GPR158: variants seen among roughly 807,000 people sequenced by gnomAD.
The protein encoded by GPR158 is metabotropic glycine receptor.
A neutral mutation model predicts 78.2 loss-of-function variants in GPR158; 30 were observed. The observed-to-expected ratio is 0.38, with a 90% CI of 0.29 to 0.52. The LOEUF (loss-of-function observed/expected upper bound fraction) is 0.52. Ranked by LOEUF, GPR158 falls within the 20% of genes least tolerant of loss-of-function variation. The probability of loss-of-function intolerance (pLI) is 0.83; values close to 1 mark genes in which losing one functional copy is unlikely to be tolerated. For missense variants in GPR158, 1,463 were observed against 1,523.5 expected, an observed-to-expected ratio of 0.96 and a Z score of 0.66; for synonymous variants, 581 against 591.1, an observed-to-expected ratio of 0.98 and a Z score of 0.25.
intron 5 of GPR158, among the ~76,000 whole-genome samples, chr10:25,469,471 T>C (rs922191534): frequency 1.3e-5 from 2 of 152,100 alleles, no homozygotes; most frequent in Non-Finnish European, 2.9e-5. Flanking sequence ...CTTTCTCTCA[T>C]ATTAGAAAAC....
intron 4 of GPR158, among the ~76,000 whole-genome samples, chr10:25,435,271 T>A (rs2130581800): frequency 6.6e-6 from 1 of 152,208 alleles, no homozygotes; most frequent in Non-Finnish European, 1.5e-5. Flanking sequence ...ATATAAATAA[T>A]GCTAAGTGAC....
At chr10:25,258,036 G>A (rs1853914738) in intron 2 of GPR158, among the ~76,000 whole-genome samples, 1 of 152,150 alleles carries the variant, frequency 6.6e-6, no homozygotes. Flanking sequence ...GCTATACACT[G>A]AAGAAATAAA....
At chr10:25,577,250 T>C (rs978757639) in intron 7 of GPR158, among the ~76,000 whole-genome samples, 4 of 152,292 alleles carry the variant, frequency 2.6e-5, no homozygotes, top group Non-Finnish European at 5.9e-5. Flanking sequence ...TAAATCCACA[T>C]ATCTTCAGTC....
intron 5 of GPR158, among the ~76,000 whole-genome samples, chr10:25,489,545 C>T (rs1564469624): frequency 6.6e-6 from 1 of 152,122 alleles, no homozygotes; most frequent in African/African-American, 2.4e-5. Flanking sequence ...ACAAAGGTTT[C>T]ACACTAGAAT....
intron 1 of GPR158, among the ~76,000 whole-genome samples, chr10:25,185,218 G>T (rs1564385196): frequency 6.6e-6 from 1 of 152,108 alleles, no homozygotes; most frequent in East Asian, 1.9e-4. Flanking sequence ...GGTTCTGTAT[G>T]TATGTGTACA....
intron 5 of GPR158, among the ~76,000 whole-genome samples, chr10:25,500,397 G>T (rs1399771300): frequency 1.3e-5 from 2 of 152,180 alleles, no homozygotes; most frequent in Non-Finnish European, 1.5e-5. Flanking sequence ...TAAATTGACG[G>T]TCTACTTGGA....
chr10:25,557,666 A>T (rs1470218878), intron 6 of GPR158, among the ~76,000 whole-genome samples: 1 of 152,238 alleles, frequency 6.6e-6, no homozygotes, highest in Admixed American at 6.5e-5. Context: ...GATTTCTGCC[A>T]TGAGTAGCTC....
chr10:25,395,984 C>T lies in GPR158; in HGVS notation c.1082C>T (p.Pro361Leu), dbSNP rs772263062. The part of the protein sequence containing the change: ...ECICKAGFYH[P>L]GVLPVNNFRR... ...ATTTGCAAAGCAGGATTCTATCATC[C>T]TGGAGTCTTACCAGTGAACAACTTT... The change falls in exon 3 of 11, where the codon CCT (proline) becomes CTT (leucine). Residue 361 changes from proline (P) to leucine (L), a missense_variant. Pro to Leu is a moderately conservative substitution (Grantham distance 98). Coordinates refer to ENST00000376351, the MANE Select transcript of GPR158 (RefSeq NM_020752.3). 6.2e-7 allele frequency: 1 copy of T among 1,603,850 alleles called. No homozygotes were observed. Among genetic ancestry groups the T allele is most frequent in the Non-Finnish European group, 8.5e-7 (1 of 1,170,774 alleles).
intron 6 of GPR158, among the ~76,000 whole-genome samples, chr10:25,552,143 G>A (rs954225141): frequency 9.9e-5 from 15 of 152,116 alleles, no homozygotes; most frequent in Non-Finnish European, 2.2e-4. Flanking sequence ...AAGTACAAAG[G>A]ATATTGGATT....
chr10:25,335,185 G>A (rs958262584), intron 2 of GPR158, among the ~76,000 whole-genome samples: 2 of 152,042 alleles, frequency 1.3e-5, no homozygotes, highest in African/African-American at 4.8e-5. Context: ...TTAACAGAGA[G>A]AGAGCAAATG....
At chr10:25,263,378 G>A (rs1353486039) in intron 2 of GPR158, among the ~76,000 whole-genome samples, 2 of 152,080 alleles carry the variant, frequency 1.3e-5, no homozygotes, top group South Asian at 2.1e-4. Context: ...ATTTATATAT[G>A]TCTGTTCTTT....
chr10:25,505,585 C>A (rs905331909), intron 5 of GPR158, among the ~76,000 whole-genome samples: 9 of 152,154 alleles, frequency 5.9e-5, no homozygotes, highest in African/African-American at 2.2e-4. Flanking sequence ...TGCTTACAAC[C>A]TCTCAGTGGC....
intron 2 of GPR158, among the ~76,000 whole-genome samples, chr10:25,228,129 G>A (rs920351610): frequency 1.3e-5 from 2 of 152,104 alleles, no homozygotes; most frequent in Admixed American, 6.5e-5. Flanking sequence ...TAAAAAATTA[G>A]CAAGGCTTAG....
At position 25,589,031 on chromosome 10, in the gene GPR158, G is replaced by T. The variant is rs1837306488; in HGVS notation, c.1778G>T (p.Gly593Val). The T allele has an allele frequency of 6.3e-7, 1 of 1,585,064 alleles. No homozygotes were observed. The change falls in exon 8 of 11, where the codon GGT becomes GTT. Residue 593 changes from glycine to valine, a missense_variant. Physicochemically the swap from Gly to Val is moderately radical, Grantham distance 109. Transcript: ENST00000376351. ...AVAEFLFLLWGVYLCYAVRTV... is the reference protein window; with the variant it reads ...AVAEFLFLLWVVYLCYAVRTV... ...GCTGAATTTTTATTCCTCTTGTGGG[G>T]TGTTTATCTCTGCTATGCAGTGCGG...
At chr10:25,452,825 C>T (rs1333132920) in intron 4 of GPR158, among the ~76,000 whole-genome samples, 2 of 152,134 alleles carry the variant, frequency 1.3e-5, no homozygotes, top group Non-Finnish European at 2.9e-5. Context: ...ATATTAGATC[C>T]TCAGAACTTA....
chr10:25,261,328 A>G (rs1853964459), intron 2 of GPR158, among the ~76,000 whole-genome samples: 1 of 152,136 alleles, frequency 6.6e-6, no homozygotes, highest in Non-Finnish European at 1.5e-5. Context: ...ACATTCCCAT[A>G]AAACACCAGG....
intron 2 of GPR158, among the ~76,000 whole-genome samples, chr10:25,249,577 A>T (rs1456491617): frequency 7.3e-5 from 11 of 151,542 alleles, no homozygotes; most frequent in African/African-American, 1.2e-4. Context: ...AATCATGTGG[A>T]TTTTGTCTTT....
intron 2 of GPR158, among the ~76,000 whole-genome samples, chr10:25,288,501 C>A (rs1397907825): frequency 6.6e-6 from 1 of 152,138 alleles, no homozygotes; most frequent in Non-Finnish European, 1.5e-5. Context: ...AGTTCAGTTC[C>A]AGTGCTCTAA....
chr10:25,271,083 C>T (rs1854112435), intron 2 of GPR158, among the ~76,000 whole-genome samples: 1 of 152,196 alleles, frequency 6.6e-6, no homozygotes, highest in South Asian at 2.1e-4. Flanking sequence ...CTGCCTCCCA[C>T]CTCAGGACAC....
Sources: gnomAD v4.1 joint callset for allele counts (sites outside exome capture counted in the v4.1 genomes callset) on GRCh38, gnomAD v4.1.1 for gene constraint, MANE v1.5 for transcripts, NCBI Gene and HGNC (gene_info 2026-07-23, HGNC 2026-07-21) for gene names.